CRADD: variants seen among roughly 807,000 people sequenced by gnomAD.
CRADD encodes the protein death domain-containing protein CRADD.
Under a neutral mutation model 15.5 loss-of-function variants are expected in CRADD, and 9 were observed. The observed-to-expected ratio is 0.58, with a 90% CI of 0.35 to 1.01. The LOEUF is 1.01. Among genes scored for constraint, CRADD ranks in the 50% least tolerant of loss-of-function variants. CRADD has a pLI of 0.02. For missense variants in CRADD, 227 were observed against 250.3 expected (o/e 0.91, Z 0.63); for synonymous variants, 118 against 107.6 (o/e 1.10, Z -0.60).
chr12:93,762,886 G>T (rs981368745), intron 2 of CRADD, among the ~76,000 whole-genome samples: 4 of 152,268 alleles, frequency 2.6e-5, no homozygotes, highest in Admixed American at 2.6e-4. Context: ...TCCCTGTGGG[G>T]AGGCTAGAAC....
chr12:93,876,752 A>T (rs1278363427), intron 2 of CRADD, among the ~76,000 whole-genome samples: 1 of 152,130 alleles, frequency 6.6e-6, no homozygotes, highest in Non-Finnish European at 1.5e-5. Context: ...TTCTTTGAGT[A>T]TCCTCAACAC....
At chr12:93,713,242 A>G (rs1956105436) in intron 2 of CRADD, among the ~76,000 whole-genome samples, 1 of 152,156 alleles carries the variant, frequency 6.6e-6, no homozygotes, top group African/African-American at 2.4e-5. Context: ...TTGCCAGTTT[A>G]TCTTATTAAC....
At chr12:93,859,314 T>C (rs1387504158) in intron 2 of CRADD, 3 of 455,882 alleles carry the variant, frequency 6.6e-6, no homozygotes, top group African/African-American at 6.0e-5. Context: ...TGTCTTTTGT[T>C]ATAGGGTGTT....
chr12:93,718,431 A>G (rs58643058), intron 2 of CRADD, among the ~76,000 whole-genome samples: 10,743 of 152,124 alleles, frequency 0.071, 1,066 homozygotes, highest in African/African-American at 0.22. Flanking sequence ...GTAAATGGTA[A>G]TGTGTTTTTA....
At chr12:93,812,257 T>A (rs1957636463) in intron 2 of CRADD, among the ~76,000 whole-genome samples, 1 of 152,208 alleles carries the variant, frequency 6.6e-6, no homozygotes, top group Non-Finnish European at 1.5e-5. Flanking sequence ...CATGTCGTTG[T>A]GTATTTGACA....
intron 2 of CRADD, among the ~76,000 whole-genome samples, chr12:93,889,713 A>T (rs1958563449): frequency 6.6e-6 from 1 of 152,194 alleles, no homozygotes; most frequent in African/African-American, 2.4e-5. Context: ...ATGCCGTAAC[A>T]TAAAGAGATA....
chr12:93,858,643 G>A (rs911366385), intron 2 of CRADD, among the ~76,000 whole-genome samples: 6 of 152,104 alleles, frequency 3.9e-5, no homozygotes, highest in East Asian at 1.9e-4. Flanking sequence ...CATTCTCCCC[G>A]GAGATAAGCC....
At chr12:93,779,234 A>G (rs1429801478) in intron 2 of CRADD, among the ~76,000 whole-genome samples, 1 of 152,200 alleles carries the variant, frequency 6.6e-6, no homozygotes, top group Non-Finnish European at 1.5e-5. Context: ...TTTTTAAACC[A>G]CAGATTGAGG....
At chr12:93,855,943 G>A (rs10745665) in intron 2 of CRADD, among the ~76,000 whole-genome samples, 75,345 of 151,678 alleles carry the variant, frequency 0.5, 19,119 homozygotes, top group Middle Eastern at 0.59. Flanking sequence ...TCAGCCTCCC[G>A]ACTACAGGTG....
intron 2 of CRADD, chr12:93,738,115 A>G (rs1592948779): frequency 1.7e-6 from 1 of 576,664 alleles, no homozygotes; most frequent in East Asian, 2.8e-5. Flanking sequence ...CACATGGCCC[A>G]TTTTGCAAAG....
chr12:93,894,746 G>A (rs55794167), downstream of CRADD: 707 of 153,278 alleles, frequency 4.6e-3, 2 homozygotes, highest in Non-Finnish European at 7.8e-3. Flanking sequence ...ATTTGGGGAC[G>A]GCTGTTGCTC....
intron 2 of CRADD, among the ~76,000 whole-genome samples, chr12:93,830,551 G>T (rs914649353): frequency 6.6e-6 from 1 of 152,146 alleles, no homozygotes; most frequent in Non-Finnish European, 1.5e-5. Context: ...TTGATTTTGA[G>T]AATGTTAACA....
intron 2 of CRADD, among the ~76,000 whole-genome samples, chr12:93,841,937 G>A (rs939347648): frequency 3.3e-4 from 50 of 152,116 alleles, no homozygotes; most frequent in African/African-American, 1.2e-3. Context: ...AGACCCTCCG[G>A]AGGAATGTAT....
intron 2 of CRADD, among the ~76,000 whole-genome samples, chr12:93,801,437 T>A (rs1370421917): frequency 2.6e-5 from 4 of 152,194 alleles, no homozygotes; most frequent in Non-Finnish European, 5.9e-5. Context: ...CTCACTGTGT[T>A]GCCCAGGCTG....
intron 2 of CRADD, among the ~76,000 whole-genome samples, chr12:93,785,723 C>G (rs1957271020): frequency 6.6e-6 from 1 of 152,168 alleles, no homozygotes; most frequent in Non-Finnish European, 1.5e-5. Context: ...AATGGTGTTA[C>G]CCTACTTCAC....
intron 2 of CRADD, among the ~76,000 whole-genome samples, chr12:93,881,952 C>T (rs1958505063): frequency 6.6e-6 from 1 of 151,554 alleles, no homozygotes; most frequent in East Asian, 1.9e-4. Flanking sequence ...CCTGGTGAAA[C>T]CCCATCTCTA....
intron 2 of CRADD, among the ~76,000 whole-genome samples, chr12:93,819,957 C>T (rs951799837): frequency 6.6e-6 from 1 of 152,210 alleles, no homozygotes; most frequent in Non-Finnish European, 1.5e-5. Flanking sequence ...TCTCATATCA[C>T]TCAGGCATCT....
intron 2 of CRADD, among the ~76,000 whole-genome samples, chr12:93,834,637 C>A (rs7976905): frequency 1.3e-5 from 2 of 152,088 alleles, no homozygotes; most frequent in Non-Finnish European, 2.9e-5. Flanking sequence ...TACAGGCCTG[C>A]GCCACCACAT....
chr12:93,783,191 G>C (rs1000343267), intron 2 of CRADD, among the ~76,000 whole-genome samples: 2 of 150,632 alleles, frequency 1.3e-5, no homozygotes, highest in African/African-American at 2.4e-5. Context: ...CCCAGGGACT[G>C]TCCTGGTACC....
Sources: allele counts gnomAD v4.1 joint callset (sites outside exome capture counted in the v4.1 genomes callset), GRCh38; gene constraint gnomAD v4.1.1; transcripts MANE v1.5; gene names NCBI Gene and HGNC (gene_info 2026-07-23, HGNC 2026-07-21).